Variants in ELOVL5 observed in about 807,000 individuals in gnomAD.
ELOVL5 encodes ELOVL fatty acid elongase 5.
ELOVL5 carries 8 observed loss-of-function variants against 38.6 expected under a neutral mutation model. The ratio of observed to expected loss-of-function variants is 0.21; its 90% CI spans 0.12 to 0.37. The LOEUF is 0.37. Among genes scored for constraint, ELOVL5 ranks in the 10% least tolerant of loss-of-function variants. The pLI is 1.00. For synonymous variants in ELOVL5, 127 were observed against 133.7 expected, an observed-to-expected ratio of 0.95 and a Z score of 0.34; for missense variants, 280 against 367.8, an observed-to-expected ratio of 0.76 and a Z score of 1.95.
chr6:53,285,685 C>T (rs372337768), intron 3 of ELOVL5, among the ~76,000 whole-genome samples: 39 of 152,122 alleles, frequency 2.6e-4, no homozygotes, highest in East Asian at 7.7e-4. Flanking sequence ...CATAGCTCAC[C>T]GGAACCTTGA....
intron 3 of ELOVL5, among the ~76,000 whole-genome samples, chr6:53,281,399 G>T (rs1766346525): frequency 2.0e-5 from 3 of 152,142 alleles, no homozygotes; most frequent in Admixed American, 2.0e-4. Context: ...TTTTTAATGA[G>T]AAAACAGGGA....
At chr6:53,288,565 T>C (rs1301834888) in intron 3 of ELOVL5, among the ~76,000 whole-genome samples, 1 of 152,220 alleles carries the variant, frequency 6.6e-6, no homozygotes, top group Non-Finnish European at 1.5e-5. Flanking sequence ...AACACTAAAG[T>C]TAATGAGATA....
At chr6:53,324,915 G>T (rs975228780) in intron 1 of ELOVL5, among the ~76,000 whole-genome samples, 28 of 152,248 alleles carry the variant, frequency 1.8e-4, no homozygotes, top group African/African-American at 6.7e-4. Flanking sequence ...ACTAGAAAAG[G>T]CCTAGGGTGA....
At chr6:53,270,803 C>G (rs1765891119) in intron 6 of ELOVL5, 76 bp from the exon 7 acceptor site, 4 of 1,556,722 alleles carry the variant, frequency 2.6e-6, no homozygotes, top group Non-Finnish European at 3.5e-6. Flanking sequence ...ACTTTTTAAC[C>G]AGCATCACCT....
At chr6:53,347,030 A>G (rs920695325) in intron 1 of ELOVL5, among the ~76,000 whole-genome samples, 1 of 152,246 alleles carries the variant, frequency 6.6e-6, no homozygotes, top group African/African-American at 2.4e-5. Context: ...TGTATAGACA[A>G]GGAAATTGAG....
intron 1 of ELOVL5, among the ~76,000 whole-genome samples, chr6:53,340,641 G>A (rs890607534): frequency 2.2e-4 from 33 of 152,176 alleles, no homozygotes; most frequent in African/African-American, 7.0e-4. Context: ...GCTAGCTACA[G>A]TATTCAGTAC....
At chr6:53,320,131 G>A (rs1178171752) in intron 1 of ELOVL5, among the ~76,000 whole-genome samples, 8 of 151,860 alleles carry the variant, frequency 5.3e-5, no homozygotes, top group East Asian at 2.0e-4. Flanking sequence ...CCTGGCCAAC[G>A]TGGCAAAACC....
At chr6:53,290,812 C>A (rs1462500317) in intron 3 of ELOVL5, among the ~76,000 whole-genome samples, 1 of 152,162 alleles carries the variant, frequency 6.6e-6, no homozygotes, top group East Asian at 1.9e-4. Context: ...CATTTTGACC[C>A]CTGAACACTA....
intron 1 of ELOVL5, among the ~76,000 whole-genome samples, chr6:53,319,185 G>A (rs1461255341): frequency 6.7e-6 from 1 of 148,718 alleles, no homozygotes; most frequent in Non-Finnish European, 1.5e-5. Context: ...GCAGGAGAAT[G>A]GCGTGAACCC....
rs1035767723 is a variant in ELOVL5 at position 53,268,231 on chromosome 6, T to C, written c.*896A>G. The stretch of plus-strand genomic sequence containing the variant: ...CTACGGGACTCTGTCAAACGGTAAA[T>C]AGGCAATCATCTCTCTTGAAAAGTA... On this transcript the variant is annotated 3_prime_UTR_variant, in exon 8 of 8. Transcript: ENST00000304434. 2 of 152,140 alleles carry C rather than the reference T, an allele frequency of 1.3e-5. No individual in the cohort carries two copies. Among genetic ancestry groups the C allele is most frequent in the East Asian group, 1.9e-4 (1 of 5,192 alleles). 9.4% of individuals were successfully genotyped at this position (152,140 alleles called of 1,614,324 possible).
rs553111670 is a variant in ELOVL5 at position 53,285,500 on chromosome 6, A to G, written c.246+6276T>C. On this transcript the variant is annotated intron_variant, in intron 3 of 7. Transcript: ENST00000304434. ...GCAAGGTGTAGCAGCAAGTGCTGCT[A>G]TAGAAGCTGCAGCCAGTTATCTGGA... 2.0e-5 allele frequency among the ~76,000 whole-genome samples: 3 copies of G among 152,390 alleles called. No homozygotes were observed. The East Asian group carries it at 5.8e-4, about 29-fold the overall frequency.
chr6:53,332,566 G>C (rs1768851548), intron 1 of ELOVL5, among the ~76,000 whole-genome samples: 1 of 152,194 alleles, frequency 6.6e-6, no homozygotes, highest in Non-Finnish European at 1.5e-5. Flanking sequence ...AACGGAGCAG[G>C]AGGAGGGAAA....
intron 1 of ELOVL5, among the ~76,000 whole-genome samples, chr6:53,308,865 T>TG: frequency 1.1e-5 from 1 of 90,290 alleles, no homozygotes; most frequent in East Asian, 3.6e-4. Flanking sequence ...TTCCACCAGC[T>TG]GGGGGGAGGG....
rs563428407 is a variant in ELOVL5 at position 53,283,556 on chromosome 6, T to C, written c.247-7300A>G. On this transcript the variant is annotated intron_variant, in intron 3 of 7. Transcript: ENST00000304434. ...TCTATATCACTGGGGGGGACAATAC[T>C]TCCATGTTATGGAATAAAAAAAGAG... 1.1e-4 allele frequency among the ~76,000 whole-genome samples: 16 copies of C among 152,300 alleles called. No homozygotes were observed. The South Asian group carries it at 3.3e-3, about 32-fold the overall frequency.
In ELOVL5 at chr6:53,268,844, T is replaced by C. The variant is rs558245074; in HGVS notation, c.*283A>G. 1.1e-5 allele frequency: 3 copies of C among 264,448 alleles called. No homozygotes were observed. Among genetic ancestry groups the C allele is most frequent in the Admixed American group, 1.1e-4 (2 of 18,912 alleles). The allele number at this position is 264,448 out of a possible 1,614,324, so 16.4% of individuals were successfully genotyped here. ...GTGAATCACAATTCAGCACCTATCA[T>C]GTTATAACTAATAAGGCAACAGCAG... On this transcript the variant is annotated 3_prime_UTR_variant, in exon 8 of 8. Transcript: ENST00000304434.
At chr6:53,293,223 G>C (rs1202604139) in intron 2 of ELOVL5, among the ~76,000 whole-genome samples, 1 of 152,190 alleles carries the variant, frequency 6.6e-6, no homozygotes, top group African/African-American at 2.4e-5. Context: ...CACAACTCCA[G>C]AACATGAGGC....
intron 1 of ELOVL5, among the ~76,000 whole-genome samples, chr6:53,344,481 T>G (rs1159568506): frequency 1.3e-5 from 2 of 152,188 alleles, no homozygotes; most frequent in Non-Finnish European, 2.9e-5. Flanking sequence ...TCATTCTTAT[T>G]CAAAAGCTTA....
intron 1 of ELOVL5, chr6:53,336,816 A>T (rs1465777499): frequency 2.0e-5 from 3 of 152,194 alleles, no homozygotes; most frequent in African/African-American, 7.2e-5. Context: ...AGGCCCTTTA[A>T]AATAACAGCA....
intron 3 of ELOVL5, chr6:53,276,912 C>G (rs1198991499): frequency 6.6e-6 from 1 of 151,652 alleles, no homozygotes; most frequent in African/African-American, 2.4e-5. Flanking sequence ...GAAGGCTTCA[C>G]AAGTGCCCAT....
Sources: gnomAD v4.1 joint callset for allele counts (sites outside exome capture counted in the v4.1 genomes callset) on GRCh38, gnomAD v4.1.1 for gene constraint, MANE v1.5 for transcripts, NCBI Gene and HGNC (gene_info 2026-07-23, HGNC 2026-07-21) for gene names.